WNK4: variants seen among roughly 807,000 people sequenced by gnomAD.
WNK4 encodes serine/threonine-protein kinase WNK4.
Under a neutral mutation model 116.2 loss-of-function variants are expected in WNK4, and 94 were observed. The ratio of observed to expected loss-of-function variants is 0.81; its 90% CI spans 0.68 to 0.96. WNK4 has a LOEUF of 0.96. Ranked by LOEUF, WNK4 falls within the 40% of genes least tolerant of loss-of-function variation. WNK4 has a pLI of 0.00. For missense variants in WNK4, 1,542 were observed against 1,650.6 expected (o/e 0.93, Z 1.14); for synonymous variants, 655 against 672.7 (o/e 0.97, Z 0.41).
In WNK4 at chr17:42,784,082, C is replaced by G. The variant is rs139202412; in HGVS notation, c.937C>G (p.Pro313Ala). ...LKCDNVFITGPTGSVKIGDLG... is the reference protein window; with the variant it reads ...LKCDNVFITGATGSVKIGDLG... ...GTGCGACAATGTCTTTATCACGGGACCTACTGGCTCTGTCAAAATCGGGGA... is the reference window on the plus strand; with the variant it reads ...GTGCGACAATGTCTTTATCACGGGAGCTACTGGCTCTGTCAAAATCGGGGA... Residue 313 changes from proline to alanine, a missense_variant, in exon 3 of 19, where the codon CCT (proline) becomes GCT (alanine). By Grantham distance (27) the Pro-to-Ala change is conservative. Transcript: ENST00000246914. The surrounding 1 kb of genome is among the most constrained non-coding windows in gnomAD (Gnocchi z 4.4). The G allele has an allele frequency of 5.3e-5, 85 of 1,612,902 alleles. No individual in the cohort carries two copies. Among genetic ancestry groups the G allele is most frequent in the Non-Finnish European group, 6.4e-5 (75 of 1,180,036 alleles).
rs887735998 is a variant in WNK4, at chr17:42,785,554, G to C, written c.1476+72G>C. The C allele has an allele frequency of 2.0e-6, 3 of 1,508,668 alleles. No individual in the cohort carries two copies. The African/African-American group carries it at 4.2e-5, about 21-fold the overall frequency. The allele number at this position is 1,508,668 out of a possible 1,614,324, so 93.5% of individuals were successfully genotyped here. On this transcript the variant is annotated intron_variant, in intron 6 of 18. Transcript: ENST00000246914. ...TGACTCGAGGGGACAGTGCAACAGG[G>C]ATGGGGCGCAGGAGGGGTGGCAGCG...
rs566468120 is a variant in WNK4, at chr17:42,784,020, A to C, written c.875A>C (p.His292Pro). The change falls in exon 3 of 19, where the codon CAC (histidine) becomes CCC (proline). Residue 292 changes from histidine (H) to proline (P), a missense_variant. His to Pro is a moderately conservative substitution (Grantham distance 77). This residue lies in a region of WNK4 where 808 missense variants were observed against 873.6 expected (regional missense o/e 0.92). Coordinates refer to ENST00000246914, the MANE Select transcript of WNK4 (RefSeq NM_032387.5). This position sits in a 1 kb window ranked among gnomAD's most constrained non-coding sequence, Gnocchi z 4.4. ...ATCCTGCGGGGACTTCATTTCCTACACTCCCGGGTTCCTCCCATCCTGCAC... is the reference window on the plus strand; with the variant it reads ...ATCCTGCGGGGACTTCATTTCCTACCCTCCCGGGTTCCTCCCATCCTGCAC... ...RQILRGLHFL[H>P]SRVPPILHRD... 76 of 1,612,804 alleles carry C rather than the reference A, an allele frequency of 4.7e-5. No homozygotes were observed. Among genetic ancestry groups the C allele is most frequent in the Non-Finnish European group, 6.1e-5 (72 of 1,179,802 alleles).
rs754120543 is a variant in WNK4 at position 42,794,583 on chromosome 17, C to T, written c.2296-31C>T. ...TTCCATCTCAGACTGCTCTTCCCCA[C>T]TGTGACTGCGGACTCCTTTTTCTGC... On this transcript the variant is annotated intron_variant, in intron 12 of 18. Coordinates refer to ENST00000246914, the MANE Select transcript of WNK4 (RefSeq NM_032387.5). 8.1e-6 allele frequency: 13 copies of T among 1,613,116 alleles called. No individual in the cohort carries two copies. In the South Asian group the frequency reaches 1.2e-4, roughly 15 times the overall value.
intron 6 of WNK4, among the ~76,000 whole-genome samples, chr17:42,786,553 C>G (rs1299721608): frequency 1.3e-5 from 2 of 152,156 alleles, no homozygotes; most frequent in Non-Finnish European, 2.9e-5. Flanking sequence ...CCACAACGCC[C>G]AGCTAATTTT....
At position 42,794,793 on chromosome 17, in the gene WNK4, C is replaced by T; in HGVS notation, c.2372C>T (p.Ser791Phe). 1 of 1,614,006 alleles carries T rather than the reference C, an allele frequency of 6.2e-7. No homozygotes were observed. The highest frequency in any genetic ancestry group is 1.1e-5 in the South Asian group (1 of 91,076). The stretch of plus-strand genomic sequence containing the variant: ...CCAGAAGAGCTCCAGAGCAGCACCT[C>T]CCTGGAGCACAGGAGCTGGACAGCC... The part of the protein sequence containing the change: ...PSNEELQSST[S>F]LEHRSWTAFS... The change falls in exon 14 of 19, where the codon TCC (serine) becomes TTC (phenylalanine). Residue 791 changes from serine to phenylalanine, a missense_variant. Physicochemically the swap from Ser to Phe is radical, Grantham distance 155. This residue lies in a region of WNK4 where 808 missense variants were observed against 873.6 expected (regional missense o/e 0.92). Transcript: ENST00000246914.
At chr17:42,787,193 A>T in intron 6 of WNK4, 85 bp from the exon 7 acceptor site, 1 of 1,586,362 alleles carries the variant, frequency 6.3e-7, no homozygotes, top group Non-Finnish European at 8.5e-7. Flanking sequence ...TTCCTCCCAT[A>T]TCCTGGAGTT....
rs1214011432 is a variant in WNK4, at chr17:42,780,614, C to G, written c.-85C>G. On this transcript the variant is annotated 5_prime_UTR_variant, in exon 1 of 19. Coordinates refer to ENST00000246914, the MANE Select transcript of WNK4 (RefSeq NM_032387.5). ...TGGGGCCGCAGCCGCTCAGCCGGAG[C>G]GCAGCGCACCCAGCGAGTCCGTCTG... The G allele has an allele frequency of 6.4e-7, 1 of 1,555,906 alleles. No homozygotes were observed. The highest frequency in any genetic ancestry group is 1.7e-5 in the Admixed American group (1 of 59,014).
Position 42,788,120 on chromosome 17 carries a change from C to A in WNK4, c.1864-10C>A, listed in dbSNP as rs373908958. The A allele has an allele frequency of 6.2e-7, 1 of 1,614,074 alleles. No homozygotes were observed. The highest frequency in any genetic ancestry group is 8.5e-7 in the Non-Finnish European group (1 of 1,180,024). On this transcript the variant is annotated splice_polypyrimidine_tract_variant and intron_variant, in intron 8 of 18. Transcript: ENST00000246914. ...TTCCCCTGACCTCATGAACCCTTAT[C>A]CTGTTTCAGGCTTTTGCCCTATCCA...
At position 42,796,299 on chromosome 17, in the gene WNK4, A is replaced by T. The variant is rs752400678; in HGVS notation, c.3608A>T (p.Gln1203Leu). ...SFPTSRRNSLQRSEPPGPGIM... is the reference protein window; with the variant it reads ...SFPTSRRNSLLRSEPPGPGIM... Reference sequence around the variant, plus strand: ...CCCACCTCCCGCCGCAACAGCCTACAGCGCTCTGAGCCCCCAGGCCCTGGT... The same window carrying T: ...CCCACCTCCCGCCGCAACAGCCTACTGCGCTCTGAGCCCCCAGGCCCTGGT... The change falls in exon 17 of 19, where the codon CAG becomes CTG. Residue 1203 changes from glutamine (Q) to leucine (L), a missense_variant. This residue lies in a region of WNK4 where 148 missense variants were observed against 157.2 expected (regional missense o/e 0.94). Transcript: ENST00000246914. 6.2e-7 allele frequency: 1 copy of T among 1,612,726 alleles called. No individual in the cohort carries two copies. The highest frequency in any genetic ancestry group is 2.2e-5 in the East Asian group (1 of 44,846).
intron 2 of WNK4, chr17:42,783,498 C>G: frequency 3.3e-6 from 1 of 299,086 alleles, no homozygotes; most frequent in Non-Finnish European, 6.4e-6. Flanking sequence ...TTCCTGGCAC[C>G]TCCTCCCACC....
chr17:42,787,821 G>A lies in WNK4; in HGVS notation c.1785G>A (p.Leu595=). The A allele has an allele frequency of 1.2e-6, 2 of 1,612,536 alleles. No individual in the cohort carries two copies. Among genetic ancestry groups the A allele is most frequent in the Non-Finnish European group, 1.7e-6 (2 of 1,180,028 alleles). The change falls in exon 8 of 19, where the codon CTG becomes CTA. Residue 595 remains leucine (L), a synonymous_variant. Coordinates refer to ENST00000246914, the MANE Select transcript of WNK4 (RefSeq NM_032387.5). The part of the protein sequence containing the change: ...TDGYLSSSGF[L]DASDPALQPP... ...GCTACCTCAGCTCCTCCGGCTTCCT[G>A]GATGCCTCAGACCCTGCCCTTCAGC...
rs2054519554 is a variant in WNK4 at position 42,784,435 on chromosome 17, C to T, written c.1026C>T (p.Phe342=). ...TGGACCCTACAGGGACCCCGGAATT[C>T]ATGGCCCCCGAGATGTACGAGGAAA... ...FAKSVIGTPE[F]MAPEMYEEKY... is the part of the protein sequence containing the mutation. The change falls in exon 4 of 19, where the codon TTC becomes TTT. Residue 342 remains phenylalanine, a synonymous_variant. Transcript: ENST00000246914. The surrounding 1 kb of genome is among the most constrained non-coding windows in gnomAD (Gnocchi z 4.4). The T allele has an allele frequency of 1.2e-6, 2 of 1,613,604 alleles. No homozygotes were observed. Among genetic ancestry groups the T allele is most frequent in the South Asian group, 1.1e-5 (1 of 90,956 alleles).
chr17:42,784,517 A>C lies in WNK4; in HGVS notation c.1108A>C (p.Thr370Pro), dbSNP rs760579259. Reference protein sequence around the residue: ...AFGMCMLEMATSEYPYSECQN... With the variant: ...AFGMCMLEMAPSEYPYSECQN... ...CGGCATGTGCATGCTGGAGATGGCCACCTCTGAGTACCCGTACTCCGAGTG... is the reference window on the plus strand; with the variant it reads ...CGGCATGTGCATGCTGGAGATGGCCCCCTCTGAGTACCCGTACTCCGAGTG... Residue 370 changes from threonine (T) to proline (P), a missense_variant, in exon 4 of 19, where the codon ACC (threonine) becomes CCC (proline). Thr to Pro is a conservative substitution (Grantham distance 38). Transcript: ENST00000246914. This position sits in a 1 kb window ranked among gnomAD's most constrained non-coding sequence, Gnocchi z 4.4. 10 of 1,613,954 alleles carry C rather than the reference A, an allele frequency of 6.2e-6. No individual in the cohort carries two copies. The highest frequency in any genetic ancestry group is 6.8e-6 in the Non-Finnish European group (8 of 1,179,996).
chr17:42,796,464 C>A lies in WNK4; in HGVS notation c.3632-17C>A, dbSNP rs1194532445. Reference sequence around the variant, plus strand: ...CTTTCCTCACTTAGTGCTCTCCTTCCCCCATCCTGCTCCCAGGCATCATGC... The same window carrying A: ...CTTTCCTCACTTAGTGCTCTCCTTCACCCATCCTGCTCCCAGGCATCATGC... On this transcript the variant is annotated splice_polypyrimidine_tract_variant and intron_variant, in intron 17 of 18. Coordinates refer to ENST00000246914, the MANE Select transcript of WNK4 (RefSeq NM_032387.5). 3 of 1,614,074 alleles carry A rather than the reference C, an allele frequency of 1.9e-6. No individual in the cohort carries two copies. Among genetic ancestry groups the A allele is most frequent in the Non-Finnish European group, 2.5e-6 (3 of 1,179,906 alleles).
chr17:42,795,793 C>T lies in WNK4; in HGVS notation c.3191C>T (p.Pro1064Leu). The T allele has an allele frequency of 6.2e-7, 1 of 1,613,850 alleles. No individual in the cohort carries two copies. The highest frequency in any genetic ancestry group is 8.5e-7 in the Non-Finnish European group (1 of 1,180,016). The change falls in exon 16 of 19, where the codon CCA (proline) becomes CTA (leucine). Residue 1064 changes from proline (P) to leucine (L), a missense_variant. By Grantham distance (98) the Pro-to-Leu change is moderately conservative. Around this residue, in one of 7 missense-constraint regions of WNK4, gnomAD observed 292 missense variants for 290.1 expected, o/e 1.01. Transcript: ENST00000246914. ...SDTEDSAGGG[P>L]ETREALAESD... Reference sequence around the variant, plus strand: ...ACAGAGGACAGTGCTGGAGGCGGGCCAGAGACCAGGGAAGCTCTGGCTGAG... The same window carrying T: ...ACAGAGGACAGTGCTGGAGGCGGGCTAGAGACCAGGGAAGCTCTGGCTGAG...
Position 42,781,092 on chromosome 17 carries a change from G to A in WNK4, c.394G>A (p.Val132Met), listed in dbSNP as rs760473206. ...SARPELPDSA[V>M]GPGSREPLRV... ...GCGTCCCGAGCTCCCGGACTCTGCA[G>A]TGGGCCCGGGGTCCAGGGAGCCGCT... Residue 132 changes from valine to methionine, a missense_variant, in exon 1 of 19, where the codon GTG becomes ATG. Val to Met is a conservative substitution (Grantham distance 21). This residue lies in a region of WNK4 where 243 missense variants were observed against 217.8 expected (regional missense o/e 1.12). Transcript: ENST00000246914. 5.6e-6 allele frequency: 9 copies of A among 1,613,310 alleles called. No homozygotes were observed. The highest frequency in any genetic ancestry group is 7.6e-6 in the Non-Finnish European group (9 of 1,179,816).
rs780763030 is a variant in WNK4, at chr17:42,793,586, C to T, written c.2158-6C>T. 5.6e-6 allele frequency: 9 copies of T among 1,613,638 alleles called. No homozygotes were observed. The highest frequency in any genetic ancestry group is 2.2e-5 in the East Asian group (1 of 44,864). ...TCTCCCTCCCCATCCTGTTGACCCTCGCAAGGTATATAACGAGTTCATTCT... is the reference window on the plus strand; with the variant it reads ...TCTCCCTCCCCATCCTGTTGACCCTTGCAAGGTATATAACGAGTTCATTCT... On this transcript the variant is annotated splice_region_variant and splice_polypyrimidine_tract_variant and intron_variant, in intron 11 of 18. Coordinates refer to ENST00000246914, the MANE Select transcript of WNK4 (RefSeq NM_032387.5).
rs758361895 is a variant in WNK4, at chr17:42,794,604, T to G, written c.2296-10T>G. 6.2e-6 allele frequency: 10 copies of G among 1,613,864 alleles called. No individual in the cohort carries two copies. Among genetic ancestry groups the G allele is most frequent in the Non-Finnish European group, 8.5e-6 (10 of 1,179,932 alleles). On this transcript the variant is annotated splice_polypyrimidine_tract_variant and intron_variant, in intron 12 of 18. Transcript: ENST00000246914. ...CCCACTGTGACTGCGGACTCCTTTT[T>G]CTGCCTCAGGAGGAGCCAGCACCAT...
At chr17:42,791,289 T>G (rs190827707) in intron 11 of WNK4, among the ~76,000 whole-genome samples, 269 of 152,282 alleles carry the variant, frequency 1.8e-3, no homozygotes, top group African/African-American at 6.4e-3. Flanking sequence ...AGGTCCAAAT[T>G]CCAAAGCCTT....
Sources: allele counts gnomAD v4.1 joint callset (sites outside exome capture counted in the v4.1 genomes callset), GRCh38; gene constraint gnomAD v4.1.1; regional missense constraint gnomAD v4.1.1; non-coding constraint Gnocchi (gnomAD v3.1); transcripts MANE v1.5; gene names NCBI Gene and HGNC (gene_info 2026-07-23, HGNC 2026-07-21).